Variants in CCDC15 observed in about 807,000 individuals in gnomAD.
CCDC15 encodes the protein coiled-coil domain containing 15.
Under a neutral mutation model 114.5 loss-of-function variants are expected in CCDC15, and 105 were observed. That is an observed-to-expected ratio of 0.92 (90% CI 0.78 to 1.08). The LOEUF (loss-of-function observed/expected upper bound fraction) is 1.08. Among genes scored for constraint, CCDC15 ranks in the 50% least tolerant of loss-of-function variants. The pLI, the probability that CCDC15 is intolerant of heterozygous loss-of-function variation, is 0.00. For synonymous variants in CCDC15, 334 were observed against 377.8 expected (o/e 0.88, Z 1.34); for missense variants, 1,105 against 1,093.6 (o/e 1.01, Z -0.15).
chr11:124,998,207 A>G (rs1159923120), intron 11 of CCDC15, among the ~76,000 whole-genome samples: 1 of 152,096 alleles, frequency 6.6e-6, no homozygotes, highest in Non-Finnish European at 1.5e-5. Flanking sequence ...CCCTCTCTCC[A>G]TGTTGTGGAC....
intron 3 of CCDC15, 90 bp from the exon 4 acceptor site, chr11:124,959,725 T>TAAAAAAATA: frequency 3.8e-6 from 1 of 264,130 alleles, no homozygotes; most frequent in Non-Finnish European, 7.0e-6. Flanking sequence ...CCCACCCCAA[T>TAAAAAAATA]TTAAAATCTT....
Position 124,986,860 on chromosome 11 carries a change from A to T in CCDC15, c.872A>T (p.Asp291Val). The T allele has an allele frequency of 6.4e-7, 1 of 1,559,576 alleles. No homozygotes were observed. Among genetic ancestry groups the T allele is most frequent in the Non-Finnish European group, 8.7e-7 (1 of 1,152,116 alleles). The change falls in exon 7 of 16, where the codon GAT (aspartate) becomes GTT (valine). Residue 291 changes from aspartate (D) to valine (V), a missense_variant. Asp to Val is a radical substitution (Grantham distance 152). Coordinates refer to ENST00000344762, the MANE Select transcript of CCDC15 (RefSeq NM_025004.3). ...QQDQQAIHSE[D>V]KNKPFSRVQK... ...GACCAGCAGGCTATCCATTCTGAAG[A>T]TAAGAACAAACCTTTCAGCAGAGTT...
At chr11:124,966,348 A>C (rs1165354281) in intron 4 of CCDC15, among the ~76,000 whole-genome samples, 1 of 152,204 alleles carries the variant, frequency 6.6e-6, no homozygotes, top group Non-Finnish European at 1.5e-5. Context: ...ATATACATTT[A>C]GGATAGTTAG....
rs747887767 is a variant in CCDC15, at chr11:124,992,596, T to G, written c.2048T>G (p.Met683Arg). Residue 683 changes from methionine to arginine, a missense_variant, in exon 10 of 16, where the codon ATG becomes AGG. Transcript: ENST00000344762. ...DIKNQQPASFMREERVREELP... is the reference protein window; with the variant it reads ...DIKNQQPASFRREERVREELP... ...TTTCTCAAGCAACCTGCATCTTTTA[T>G]GAGAGAAGAAAGAGTGAGAGAAGAA... The G allele has an allele frequency of 1.3e-6, 2 of 1,594,778 alleles. No homozygotes were observed. Among genetic ancestry groups the G allele is most frequent in the South Asian group, 1.1e-5 (1 of 87,592 alleles).
In CCDC15 at chr11:124,992,651, A is replaced by G. The variant is rs561553519; in HGVS notation, c.2103A>G (p.Val701=). Residue 701 remains valine (V), a synonymous_variant, in exon 10 of 16, where the codon GTA becomes GTG. Transcript: ENST00000344762. ...ELPLDYHQYV[V]PKIQDQDSPR... ...CTCTGGACTATCATCAATATGTTGTACCTAAAATCCAGGACCAAGACTCCC... is the reference window on the plus strand; with the variant it reads ...CTCTGGACTATCATCAATATGTTGTGCCTAAAATCCAGGACCAAGACTCCC... 8.8e-6 allele frequency: 14 copies of G among 1,596,748 alleles called. No individual in the cohort carries two copies. In the East Asian group the frequency reaches 2.9e-4, roughly 33 times the overall value.
At chr11:124,971,862 A>G (rs1027206820) in intron 4 of CCDC15, among the ~76,000 whole-genome samples, 2 of 152,142 alleles carry the variant, frequency 1.3e-5, no homozygotes, top group African/African-American at 4.8e-5. Flanking sequence ...ATTAAAAAAA[A>G]TTTAGGCATT....
intron 11 of CCDC15, among the ~76,000 whole-genome samples, chr11:124,995,669 C>A (rs1472792380): frequency 2.0e-5 from 3 of 152,100 alleles, no homozygotes; most frequent in African/African-American, 7.2e-5. Context: ...AATTATGCAG[C>A]AGCATAATTA....
chr11:124,988,078 A>G lies in CCDC15; in HGVS notation c.1852A>G (p.Asn618Asp), dbSNP rs774116998. 14 of 1,613,984 alleles carry G rather than the reference A, an allele frequency of 8.7e-6. No individual in the cohort carries two copies. The highest frequency in any genetic ancestry group is 8.5e-7 in the Non-Finnish European group (1 of 1,179,882). The stretch of plus-strand genomic sequence containing the variant: ...ACCCAGAGACCTGCATGTTCTCTCC[A>G]ACGACCAGAATATTCTACCCAAATG... ...FLPRDLHVLSNDQNILPKCQD... is the reference protein window; with the variant it reads ...FLPRDLHVLSDDQNILPKCQD... Residue 618 changes from asparagine (N) to aspartate (D), a missense_variant, in exon 8 of 16, where the codon AAC (asparagine) becomes GAC (aspartate). Physicochemically the swap from Asn to Asp is conservative, Grantham distance 23. Coordinates refer to ENST00000344762, the MANE Select transcript of CCDC15 (RefSeq NM_025004.3).
rs189240217 is a variant in CCDC15 at position 124,975,068 on chromosome 11, T to C, written c.517-28T>C. Reference sequence around the variant, plus strand: ...GGAATTAAAACTTATCCTGCTTTTGTTTGCTTTCTTCCCCCTTTCCCTGGC... The same window carrying C: ...GGAATTAAAACTTATCCTGCTTTTGCTTGCTTTCTTCCCCCTTTCCCTGGC... On this transcript the variant is annotated intron_variant, in intron 4 of 15. Transcript: ENST00000344762. 4.1e-4 allele frequency: 588 copies of C among 1,426,820 alleles called. 3 individuals carry two copies. The highest frequency in any genetic ancestry group is 9.5e-4 in the Admixed American group (43 of 45,392). 88.4% of individuals were successfully genotyped at this position (1,426,820 alleles called of 1,614,324 possible).
chr11:125,003,356 A>G (rs141604809), intron 11 of CCDC15, among the ~76,000 whole-genome samples: 41 of 152,080 alleles, frequency 2.7e-4, no homozygotes, highest in African/African-American at 9.4e-4. Context: ...GTCCAAGTAG[A>G]TATACCAAGT....
chr11:125,023,003 AG>A (rs1382670161), intron 13 of CCDC15, among the ~76,000 whole-genome samples: 1 of 151,950 alleles, frequency 6.6e-6, no homozygotes, highest in Non-Finnish European at 1.5e-5. Flanking sequence ...ACATATTTAA[AG>A]GATTTGATAA....
chr11:124,981,286 G>T (rs894524622), intron 6 of CCDC15, among the ~76,000 whole-genome samples: 1 of 152,112 alleles, frequency 6.6e-6, no homozygotes, highest in South Asian at 2.1e-4. Flanking sequence ...TATCTATAAG[G>T]TCCATTTAGT....
Position 124,962,659 on chromosome 11 carries a change from T to TTA in CCDC15, c.516+2657_516+2658insAT, listed in dbSNP as rs58927257. 4.5e-3 allele frequency among the ~76,000 whole-genome samples: 691 copies of TTA among 152,232 alleles called. 5 individuals carry two copies. The highest frequency in any genetic ancestry group is 0.016 in the African/African-American group (654 of 41,518). On this transcript the variant is annotated intron_variant, in intron 4 of 15. Coordinates refer to ENST00000344762, the MANE Select transcript of CCDC15 (RefSeq NM_025004.3). ...CAAGGAATTCAGTTCTTTTTTTTTT[T>TTA]TTATTATACTTTAAATTCTAGGGTG...
Position 125,039,048 on chromosome 11 carries a change from A to G in CCDC15, c.2713A>G (p.Ile905Val). ...AHPDTCANNCIFYKNHRAYTR... is the reference protein window; with the variant it reads ...AHPDTCANNCVFYKNHRAYTR... ...TCCTGATACCTGTGCCAACAACTGT[A>G]TTTTCTATAAAAACCACAGAGGTAA... Residue 905 changes from isoleucine to valine, a missense_variant, in exon 15 of 16, where the codon ATT becomes GTT. Transcript: ENST00000344762. The G allele has an allele frequency of 2.5e-6, 4 of 1,600,320 alleles. No homozygotes were observed. The highest frequency in any genetic ancestry group is 3.4e-6 in the Non-Finnish European group (4 of 1,171,554).
Position 124,975,226 on chromosome 11 carries a change from T to C in CCDC15, c.630+17T>C. Reference sequence around the variant, plus strand: ...ACCAGAGAGGTAAATTAATTTCTAATACATGATTTAAAAAAATACAGGTAA... The same window carrying C: ...ACCAGAGAGGTAAATTAATTTCTAACACATGATTTAAAAAAATACAGGTAA... On this transcript the variant is annotated intron_variant, in intron 5 of 15. Coordinates refer to ENST00000344762, the MANE Select transcript of CCDC15 (RefSeq NM_025004.3). 1 of 1,422,794 alleles carries C rather than the reference T, an allele frequency of 7.0e-7. No individual in the cohort carries two copies. The highest frequency in any genetic ancestry group is 9.6e-7 in the Non-Finnish European group (1 of 1,041,314). The allele number at this position is 1,422,794 out of a possible 1,614,324, so 88.1% of individuals were successfully genotyped here.
Position 124,988,095 on chromosome 11 carries a change from A to G in CCDC15, c.1869A>G (p.Leu623=). 6.2e-7 allele frequency: 1 copy of G among 1,613,542 alleles called. No homozygotes were observed. ...TTCTCTCCAACGACCAGAATATTCT[A>G]CCCAAATGTCAGGACCAAGATTTTC... The part of the protein sequence containing the change: ...LHVLSNDQNI[L]PKCQDQDFLP... Residue 623 remains leucine (L), a synonymous_variant, in exon 8 of 16, where the codon CTA becomes CTG. Transcript: ENST00000344762.
chr11:124,969,565 T>G (rs1234127048), intron 4 of CCDC15, among the ~76,000 whole-genome samples: 1 of 152,224 alleles, frequency 6.6e-6, no homozygotes, highest in African/African-American at 2.4e-5. Context: ...TTTTACTATC[T>G]TATTTCTATT....
rs767923211 is a variant in CCDC15, at chr11:124,959,974, A to G, written c.487A>G (p.Asn163Asp). The G allele has an allele frequency of 1.9e-6, 3 of 1,573,972 alleles. No individual in the cohort carries two copies. Among genetic ancestry groups the G allele is most frequent in the African/African-American group, 2.7e-5 (2 of 74,186 alleles). The change falls in exon 4 of 16, where the codon AAC becomes GAC. Residue 163 changes from asparagine (N) to aspartate (D), a missense_variant. Coordinates refer to ENST00000344762, the MANE Select transcript of CCDC15 (RefSeq NM_025004.3). ...TGGAATAGAGGATGAAGAGAATCAG[A>G]ACGAATTATTCCAACAACAAGCCCA... ...GDGIEDEENQ[N>D]ELFQQQAQAL... is the part of the protein sequence containing the mutation.
At chr11:125,001,022 A>C (rs890704458) in intron 11 of CCDC15, among the ~76,000 whole-genome samples, 2 of 152,236 alleles carry the variant, frequency 1.3e-5, no homozygotes, top group Non-Finnish European at 2.9e-5. Flanking sequence ...TGCTGGAATG[A>C]AGCTTATCTA....
Sources: gnomAD v4.1 joint callset for allele counts (sites outside exome capture counted in the v4.1 genomes callset) on GRCh38, gnomAD v4.1.1 for gene constraint, MANE v1.5 for transcripts, NCBI Gene and HGNC (gene_info 2026-07-23, HGNC 2026-07-21) for gene names.